Variants in GCLC observed in about 807,000 individuals in gnomAD.
GCLC encodes glutamate--cysteine ligase catalytic subunit.
Under a neutral mutation model 81.5 loss-of-function variants are expected in GCLC, and 30 were observed. That is an observed-to-expected ratio of 0.37 (90% CI 0.28 to 0.50). The LOEUF is 0.50. Among genes scored for constraint, GCLC ranks in the 20% least tolerant of loss-of-function variants. The probability of loss-of-function intolerance (pLI) is 0.96; values close to 1 mark genes in which losing one functional copy is unlikely to be tolerated. For synonymous variants in GCLC, 262 were observed against 273.3 expected, an observed-to-expected ratio of 0.96 and a Z score of 0.41; for missense variants, 556 against 777.4, an observed-to-expected ratio of 0.72 and a Z score of 3.39.
At position 53,505,789 on chromosome 6, in the gene GCLC, T is replaced by C. The variant is rs377058097; in HGVS notation, c.1290+14A>G. On this transcript the variant is annotated intron_variant, in intron 11 of 15. Transcript: ENST00000650454. Reference sequence around the variant, plus strand: ...GTACTTTTGAGTCAGTTCTTGCTGATGCATGTGTCTTACCTCCATGGGTCG... The same window carrying C: ...GTACTTTTGAGTCAGTTCTTGCTGACGCATGTGTCTTACCTCCATGGGTCG... 1.4e-6 allele frequency: 2 copies of C among 1,461,286 alleles called. No homozygotes were observed. The highest frequency in any genetic ancestry group is 1.9e-6 in the Non-Finnish European group (2 of 1,040,302). The allele number at this position is 1,461,286 out of a possible 1,614,324, so 90.5% of individuals were successfully genotyped here. A position where few individuals can be genotyped will look rare whatever the true frequency, so the allele number is the denominator to read the frequency against.
chr6:53,502,408 G>C (rs1201366226), intron 12 of GCLC, among the ~76,000 whole-genome samples: 1 of 152,172 alleles, frequency 6.6e-6, no homozygotes, highest in African/African-American at 2.4e-5. Context: ...TAAGTCACTT[G>C]TCCAGGTTAA....
Position 53,506,935 on chromosome 6 carries a change from G to C in GCLC, c.1175C>G (p.Ala392Gly). The change falls in exon 10 of 16, where the codon GCT becomes GGT. Residue 392 changes from alanine (A) to glycine (G), a missense_variant. This residue lies in a region of GCLC where 313 missense variants were observed against 437.3 expected (regional missense o/e 0.72). Coordinates refer to ENST00000650454, the MANE Select transcript of GCLC (RefSeq NM_001498.4). This position sits in a 1 kb window ranked among gnomAD's most constrained non-coding sequence, Gnocchi z 4.0. ...LFEEKIHLDD[A>G]NESDHFENIQ... ...TACCTCAAAATGGTCAGACTCATTA[G>C]CATCATCCAGGTGTATTTTCTCTTC... 2 of 1,579,784 alleles carry C rather than the reference G, an allele frequency of 1.3e-6. No individual in the cohort carries two copies. Among genetic ancestry groups the C allele is most frequent in the Non-Finnish European group, 1.7e-6 (2 of 1,148,692 alleles).
intron 1 of GCLC, among the ~76,000 whole-genome samples, chr6:53,525,149 C>G (rs1377480963): frequency 6.6e-6 from 1 of 152,146 alleles, no homozygotes; most frequent in Non-Finnish European, 1.5e-5. Flanking sequence ...GTTTTTCAAA[C>G]TAAAATGTAA....
chr6:53,543,647 G>C (rs917831672), intron 1 of GCLC, among the ~76,000 whole-genome samples: 1 of 152,178 alleles, frequency 6.6e-6, no homozygotes, highest in East Asian at 1.9e-4. Flanking sequence ...GCATACACAC[G>C]TAATTTTCAA....
chr6:53,514,543 T>C (rs1764826524), intron 4 of GCLC, 46 bp from the exon 5 acceptor site: 6 of 1,365,124 alleles, frequency 4.4e-6, no homozygotes, highest in South Asian at 3.5e-5. Flanking sequence ...CTAAGAGTCA[T>C]CGTGTAAAAG....
intron 3 of GCLC, among the ~76,000 whole-genome samples, chr6:53,519,312 T>G (rs2127624513): frequency 6.6e-6 from 1 of 152,090 alleles, no homozygotes; most frequent in Admixed American, 6.5e-5. Context: ...AAGTCCCCGC[T>G]TGTTTGGTTC....
At position 53,498,546 on chromosome 6, in the gene GCLC, T is replaced by C. The variant is rs975389128; in HGVS notation, c.*210A>G. 4.5e-5 allele frequency: 26 copies of C among 575,404 alleles called. No individual in the cohort carries two copies. Among genetic ancestry groups the C allele is most frequent in the South Asian group, 1.4e-4 (7 of 48,504 alleles). 35.6% of individuals were successfully genotyped at this position (575,404 alleles called of 1,614,324 possible). A position where few individuals can be genotyped will look rare whatever the true frequency, so the allele number is the denominator to read the frequency against. On this transcript the variant is annotated 3_prime_UTR_variant, in exon 16 of 16. Transcript: ENST00000650454. ...ACTTTAGATATGTTATTAAAATACA[T>C]TGTTAATCAAAAATACTTTACTATG... is the stretch of plus-strand genomic sequence containing the variant.
rs751213209 is a variant in GCLC, at chr6:53,500,261, T to C, written c.1567A>G (p.Ile523Val). Reference protein sequence around the residue: ...EEYTLMSIDTIINGKEGVFPG... With the variant: ...EEYTLMSIDTVINGKEGVFPG... ...CACCCTCCTACCTTCCCATTGATGA[T>C]GGTGTCTATGCTCATGAGGGTGTAC... The change falls in exon 14 of 16, where the codon ATC (isoleucine) becomes GTC (valine). Residue 523 changes from isoleucine to valine, a missense_variant. By Grantham distance (29) the Ile-to-Val change is conservative. This residue lies in a region of GCLC where 313 missense variants were observed against 437.3 expected (regional missense o/e 0.72). Transcript: ENST00000650454. The C allele has an allele frequency of 6.2e-7, 1 of 1,613,854 alleles. No homozygotes were observed. Among genetic ancestry groups the C allele is most frequent in the Non-Finnish European group, 8.5e-7 (1 of 1,179,724 alleles).
At chr6:53,511,818 G>C (rs1250379549) in intron 6 of GCLC, among the ~76,000 whole-genome samples, 1 of 123,320 alleles carries the variant, frequency 8.1e-6, no homozygotes, top group South Asian at 2.8e-4. Context: ...GTGGAGGGAG[G>C]AACTAAGGAA....
chr6:53,526,800 A>G (rs1763090511), intron 1 of GCLC, among the ~76,000 whole-genome samples: 1 of 100,764 alleles, frequency 9.9e-6, no homozygotes, highest in African/African-American at 5.0e-5. Flanking sequence ...TCCGCCTCAA[A>G]AAAAAAAAAA....
chr6:53,499,070 T>G, intron 15 of GCLC, 103 bp from the exon 16 acceptor site: 1 of 772,218 alleles, frequency 1.3e-6, no homozygotes, highest in Non-Finnish European at 2.3e-6. Flanking sequence ...TGGAGAGAAA[T>G]CAATATGTCC....
At chr6:53,536,628 G>A (rs1286828514) in intron 1 of GCLC, among the ~76,000 whole-genome samples, 1 of 152,162 alleles carries the variant, frequency 6.6e-6, no homozygotes, top group African/African-American at 2.4e-5. Flanking sequence ...CAGATGCCTT[G>A]ACAGTATGTA....
intron 1 of GCLC, among the ~76,000 whole-genome samples, chr6:53,539,967 G>A (rs1331639071): frequency 6.6e-6 from 1 of 152,108 alleles, no homozygotes; most frequent in Non-Finnish European, 1.5e-5. Flanking sequence ...TCTTTTTCAC[G>A]AGGCTCACCT....
chr6:53,533,000 T>C (rs1042368113), intron 1 of GCLC, among the ~76,000 whole-genome samples: 1 of 152,162 alleles, frequency 6.6e-6, no homozygotes, highest in Non-Finnish European at 1.5e-5. Context: ...ATAACCAAAC[T>C]TTCCAAGTGC....
intron 1 of GCLC, among the ~76,000 whole-genome samples, chr6:53,532,379 C>T (rs957358461): frequency 6.6e-6 from 1 of 152,214 alleles, no homozygotes; most frequent in Non-Finnish European, 1.5e-5. Context: ...ATGTATAAAG[C>T]GATCTGCGTA....
At position 53,538,583 on chromosome 6, in the gene GCLC, G is replaced by A. The variant is rs543244784; in HGVS notation, c.150+5913C>T. ...CCTGACCTTGTGATCTGCCTGCCTC[G>A]GCCTCCCAGCTATGCATTTTCTAAA... On this transcript the variant is annotated intron_variant, in intron 1 of 15. Coordinates refer to ENST00000650454, the MANE Select transcript of GCLC (RefSeq NM_001498.4). Among the ~76,000 whole-genome samples the A allele has an allele frequency of 1.6e-4, 24 of 152,086 alleles. No homozygotes were observed. In the East Asian group the frequency reaches 4.4e-3, roughly 28 times the overall value.
chr6:53,523,503 A>G (rs897086145), intron 1 of GCLC, among the ~76,000 whole-genome samples: 8 of 152,224 alleles, frequency 5.3e-5, no homozygotes, highest in African/African-American at 1.7e-4. Flanking sequence ...GGCCTACAAT[A>G]GTAGTTTAGA....
intron 1 of GCLC, among the ~76,000 whole-genome samples, chr6:53,538,112 G>T: frequency 7.0e-6 from 1 of 143,542 alleles, no homozygotes; most frequent in African/African-American, 2.6e-5. Flanking sequence ...TCATTAATAA[G>T]CTAGGCATTT....
chr6:53,520,994 T>C (rs1762982117), intron 2 of GCLC, 34 bp from the exon 3 acceptor site: 7 of 1,537,212 alleles, frequency 4.6e-6, no homozygotes, highest in Non-Finnish European at 6.3e-6. Context: ...TCCATCTTAT[T>C]CTTTTGCTAT....
Sources: allele counts gnomAD v4.1 joint callset (sites outside exome capture counted in the v4.1 genomes callset), GRCh38; gene constraint gnomAD v4.1.1; regional missense constraint gnomAD v4.1.1; non-coding constraint Gnocchi (gnomAD v3.1); transcripts MANE v1.5; gene names NCBI Gene and HGNC (gene_info 2026-07-23, HGNC 2026-07-21).